Variants in GRID1 observed in about 807,000 individuals in gnomAD.
The protein encoded by GRID1 is glutamate receptor ionotropic, delta-1.
In GRID1, 28 loss-of-function variants were observed where a neutral mutation model predicts 98.0. The observed-to-expected ratio is 0.29, with a 90% CI of 0.21 to 0.39. The LOEUF is 0.39. Among genes scored for constraint, GRID1 ranks in the 10% least tolerant of loss-of-function variants. GRID1 has a pLI of 1.00. For missense variants in GRID1, 1,111 were observed against 1,340.5 expected (o/e 0.83, Z 2.67); for synonymous variants, 553 against 538.5 (o/e 1.03, Z -0.37).
chr10:86,073,404 C>T (rs1328473461), intron 4 of GRID1, among the ~76,000 whole-genome samples: 1 of 152,220 alleles, frequency 6.6e-6, no homozygotes, highest in Admixed American at 6.5e-5. Context: ...GGGAGAGTAG[C>T]CATCGCACAG....
At chr10:86,342,941 A>G (rs1040067697) in intron 2 of GRID1, among the ~76,000 whole-genome samples, 6 of 152,276 alleles carry the variant, frequency 3.9e-5, no homozygotes, top group Non-Finnish European at 5.9e-5. Flanking sequence ...GCCCAAGGCC[A>G]GGGCCAGTCC....
intron 5 of GRID1, among the ~76,000 whole-genome samples, chr10:85,906,448 G>C (rs1342891905): frequency 6.6e-6 from 1 of 152,058 alleles, no homozygotes; most frequent in Non-Finnish European, 1.5e-5. Flanking sequence ...GCAGATAATG[G>C]ATCCTTTTCA....
intron 4 of GRID1, among the ~76,000 whole-genome samples, chr10:85,924,921 T>C (rs1841754086): frequency 6.6e-6 from 1 of 152,162 alleles, no homozygotes; most frequent in Admixed American, 6.5e-5. Flanking sequence ...TACAGATCAT[T>C]TGTGGATCCT....
chr10:86,062,595 G>A (rs1001861432), intron 4 of GRID1, among the ~76,000 whole-genome samples: 10 of 152,162 alleles, frequency 6.6e-5, no homozygotes, highest in African/African-American at 2.4e-4. Context: ...GCACTGTCAT[G>A]GGGAGTCTGT....
At chr10:86,022,272 A>G (rs897235374) in intron 4 of GRID1, among the ~76,000 whole-genome samples, 1 of 152,188 alleles carries the variant, frequency 6.6e-6, no homozygotes, top group Non-Finnish European at 1.5e-5. Flanking sequence ...CATACTTAAA[A>G]TTTTTTCTAA....
chr10:85,771,359 T>G (rs1436281533), intron 8 of GRID1, among the ~76,000 whole-genome samples: 1 of 152,160 alleles, frequency 6.6e-6, no homozygotes, highest in Non-Finnish European at 1.5e-5. Context: ...TACCAGCCAC[T>G]GCAAAATCAT....
intron 8 of GRID1, among the ~76,000 whole-genome samples, chr10:85,750,603 A>G (rs1179430679): frequency 6.6e-6 from 1 of 152,224 alleles, no homozygotes; most frequent in Non-Finnish European, 1.5e-5. Context: ...AAAATGAAAT[A>G]CCTAGCAATG....
intron 12 of GRID1, among the ~76,000 whole-genome samples, chr10:85,711,881 A>G (rs1464139021): frequency 6.6e-6 from 1 of 151,788 alleles, no homozygotes; most frequent in Non-Finnish European, 1.5e-5. Flanking sequence ...AGAACTATAT[A>G]AGAGCATAAC....
rs564228029 is a variant in GRID1, at chr10:85,694,279, T to C, written c.1997+28724A>G. ...TACTAAAATGACAAATGTAACATGT[T>C]GGGGAGCATGTGGAGAAAAGGGAAC... On this transcript the variant is annotated intron_variant, in intron 12 of 15. Coordinates refer to ENST00000327946, the MANE Select transcript of GRID1 (RefSeq NM_017551.3). 1.8e-4 allele frequency among the ~76,000 whole-genome samples: 27 copies of C among 152,072 alleles called. No individual in the cohort carries two copies. In the South Asian group the frequency reaches 5.2e-3, roughly 29 times the overall value.
intron 12 of GRID1, among the ~76,000 whole-genome samples, chr10:85,682,776 C>A (rs1209681897): frequency 6.6e-6 from 1 of 152,180 alleles, no homozygotes; most frequent in Non-Finnish European, 1.5e-5. Flanking sequence ...CAGCCTTGGG[C>A]AGATTGAGTC....
chr10:86,143,130 T>C (rs1183695358), intron 3 of GRID1, among the ~76,000 whole-genome samples: 2 of 152,296 alleles, frequency 1.3e-5, no homozygotes, highest in South Asian at 4.1e-4. Context: ...CTGAAGCCAG[T>C]GTTCCTGAGG....
intron 2 of GRID1, among the ~76,000 whole-genome samples, chr10:86,247,024 A>G (rs778964613): frequency 6.6e-6 from 1 of 152,266 alleles, no homozygotes; most frequent in African/African-American, 2.4e-5. Context: ...TTTTGGGTCC[A>G]TGCTGCCTGA....
At chr10:86,097,142 T>G (rs915990814) in intron 4 of GRID1, among the ~76,000 whole-genome samples, 2 of 152,174 alleles carry the variant, frequency 1.3e-5, no homozygotes, top group Non-Finnish European at 2.9e-5. Context: ...CCTAAGACCT[T>G]CAGACTTGGA....
chr10:86,264,800 C>T, intron 2 of GRID1: 1 of 478,824 alleles, frequency 2.1e-6, no homozygotes, highest in Non-Finnish European at 4.3e-6. Context: ...CCCACACGCT[C>T]GTCTGTGTCA....
In GRID1 at chr10:85,706,581, T is replaced by C. The variant is rs1841521281; in HGVS notation, c.1997+16422A>G. On this transcript the variant is annotated intron_variant, in intron 12 of 15. Coordinates refer to ENST00000327946, the MANE Select transcript of GRID1 (RefSeq NM_017551.3). ...AATGCCATCCCCATCAAGCTACCAA[T>C]GACTTTCTTCACAGAATTGGAAAAA... is the stretch of plus-strand genomic sequence containing the variant. Among the ~76,000 whole-genome samples the C allele has an allele frequency of 2.0e-5, 3 of 152,098 alleles. No homozygotes were observed. In the South Asian group the frequency reaches 6.2e-4, roughly 32 times the overall value.
intron 2 of GRID1, among the ~76,000 whole-genome samples, chr10:86,216,310 A>G (rs908476320): frequency 6.6e-6 from 1 of 152,248 alleles, no homozygotes; most frequent in Non-Finnish European, 1.5e-5. Flanking sequence ...TATTCAGAAG[A>G]TATGGAACAA....
chr10:85,796,537 A>T (rs1414636715), intron 8 of GRID1, among the ~76,000 whole-genome samples: 3 of 152,206 alleles, frequency 2.0e-5, no homozygotes, highest in African/African-American at 7.2e-5. Context: ...TGCAAGATAT[A>T]AAAGGCTCAG....
At chr10:86,231,015 C>G (rs765669490) in intron 2 of GRID1, among the ~76,000 whole-genome samples, 1 of 152,230 alleles carries the variant, frequency 6.6e-6, no homozygotes, top group Admixed American at 6.5e-5. Flanking sequence ...GACCAGGCCT[C>G]TCAGCACTGG....
chr10:85,868,105 C>T (rs1032873284), intron 6 of GRID1, among the ~76,000 whole-genome samples: 1 of 152,182 alleles, frequency 6.6e-6, no homozygotes, highest in Non-Finnish European at 1.5e-5. Context: ...AACCCTCATG[C>T]CTGGCTGGGT....
Sources: gnomAD v4.1 joint callset for allele counts (sites outside exome capture counted in the v4.1 genomes callset) on GRCh38, gnomAD v4.1.1 for gene constraint, MANE v1.5 for transcripts, NCBI Gene and HGNC (gene_info 2026-07-23, HGNC 2026-07-21) for gene names.